EAPP: variants seen among roughly 807,000 people sequenced by gnomAD.
EAPP encodes E2F associated phosphoprotein, also known as E2F-associated phosphoprotein.
EAPP carries 38 observed loss-of-function variants against 34.3 expected under a neutral mutation model. The ratio of observed to expected loss-of-function variants is 1.11; its 90% CI spans 0.85 to 1.45. The LOEUF (loss-of-function observed/expected upper bound fraction) is 1.45. EAPP is among the 40% of genes most tolerant of loss of function. The pLI is 0.00. For missense variants in EAPP, 338 were observed against 343.7 expected (o/e 0.98, Z 0.13); for synonymous variants, 113 against 117.6 (o/e 0.96, Z 0.25).
chr14:34,529,622 G>A (rs1413978702), intron 3 of EAPP, 147 bp from the exon 4 acceptor site: 1 of 626,104 alleles, frequency 1.6e-6, no homozygotes, highest in Admixed American at 3.0e-5. Flanking sequence ...GCTCACACCT[G>A]TAATCCTAGC....
At chr14:34,522,093 G>T (rs1017322619) in intron 5 of EAPP, among the ~76,000 whole-genome samples, 3 of 151,972 alleles carry the variant, frequency 2.0e-5, no homozygotes, top group African/African-American at 7.3e-5. Flanking sequence ...AAAGTAGCTG[G>T]GTCTATAAGC....
At chr14:34,536,434 T>TC (rs1352863976) in intron 1 of EAPP, 159 bp from the exon 2 acceptor site, 2 of 479,832 alleles carry the variant, frequency 4.2e-6, no homozygotes, top group African/African-American at 4.1e-5. Context: ...ATAAGCCAGT[T>TC]CTGCATATTT....
In EAPP at chr14:34,522,034, C is replaced by CT. The variant is rs575451352; in HGVS notation, c.581+2662dup. On this transcript the variant is annotated intron_variant, in intron 5 of 5. Transcript: ENST00000250454. ...AGTACAGTGGCACAATCATGGCTCA[C>CT]TGCAGCCTCGACTTCCAGGGCTCAA... is the stretch of plus-strand genomic sequence containing the variant. 2.0e-4 allele frequency among the ~76,000 whole-genome samples: 31 copies of CT among 152,294 alleles called. No homozygotes were observed. In the East Asian group the frequency reaches 5.8e-3, roughly 28 times the overall value.
intron 5 of EAPP, among the ~76,000 whole-genome samples, chr14:34,521,290 C>T (rs1317226276): frequency 3.3e-5 from 5 of 151,910 alleles, no homozygotes; most frequent in Admixed American, 3.3e-4. Flanking sequence ...AGGCTGGTCT[C>T]GAACTGCTGA....
At chr14:34,528,015 A>C (rs556523668) in intron 4 of EAPP, among the ~76,000 whole-genome samples, 1 of 151,790 alleles carries the variant, frequency 6.6e-6, no homozygotes, top group African/African-American at 2.4e-5. Flanking sequence ...GCTACTCCAT[A>C]AGCAGTGTAC....
At chr14:34,528,045 ATTTT>A (rs33982261) in intron 4 of EAPP, among the ~76,000 whole-genome samples, 1 of 142,412 alleles carries the variant, frequency 7.0e-6, no homozygotes, top group Non-Finnish European at 1.5e-5. Context: ...CCTCATCTCA[ATTTT>A]TTTTTTTTTT....
intron 4 of EAPP, among the ~76,000 whole-genome samples, chr14:34,525,550 A>G (rs564367768): frequency 9.2e-5 from 14 of 152,298 alleles, no homozygotes; most frequent in African/African-American, 3.1e-4. Flanking sequence ...GTGCTCCTCA[A>G]AGTAATTAAG....
At chr14:34,536,404 C>A in intron 1 of EAPP, 129 bp from the exon 2 acceptor site, 3 of 541,624 alleles carry the variant, frequency 5.5e-6, no homozygotes, top group Non-Finnish European at 9.1e-6. Flanking sequence ...TTATACATTA[C>A]ATATAGCTAT....
chr14:34,538,896 C>A (rs1169971925), intron 1 of EAPP, among the ~76,000 whole-genome samples: 1 of 152,180 alleles, frequency 6.6e-6, no homozygotes. Flanking sequence ...GGAAATCCCA[C>A]GAACCTTCTT....
intron 5 of EAPP, among the ~76,000 whole-genome samples, chr14:34,523,316 T>C (rs1428820915): frequency 2.7e-5 from 4 of 150,498 alleles, no homozygotes; most frequent in Non-Finnish European, 4.4e-5. Context: ...CGGCTCACTG[T>C]AAGCTCCGCC....
At chr14:34,536,740 T>G (rs1880491241) in intron 1 of EAPP, among the ~76,000 whole-genome samples, 1 of 151,812 alleles carries the variant, frequency 6.6e-6, no homozygotes, top group Non-Finnish European at 1.5e-5. Flanking sequence ...TGAAACAGAG[T>G]CTCGCTCTTG....
chr14:34,525,121 C>T (rs1376948008), intron 4 of EAPP, among the ~76,000 whole-genome samples: 7 of 151,992 alleles, frequency 4.6e-5, no homozygotes, highest in African/African-American at 9.7e-5. Flanking sequence ...TAAATACCCA[C>T]GAATCCACGC....
chr14:34,536,072 T>C, intron 2 of EAPP, 22 bp downstream of exon 2: 1 of 1,590,700 alleles, frequency 6.3e-7, no homozygotes, highest in South Asian at 1.1e-5. Flanking sequence ...AAAATATATA[T>C]AAAATTGAAC....
chr14:34,520,786 A>G (rs8012555), intron 5 of EAPP, among the ~76,000 whole-genome samples: 123,973 of 151,728 alleles, frequency 0.82, 50,849 homozygotes, highest in Non-Finnish European at 0.85. Flanking sequence ...TACAGGATAA[A>G]CCACCACACC....
In EAPP at chr14:34,536,276, C is replaced by A. The variant is rs781240330; in HGVS notation, c.75-1G>T. On this transcript the variant is annotated splice_acceptor_variant, in intron 1 of 5. Transcript: ENST00000250454. LOFTEE classifies it high-confidence loss of function. Reference sequence around the variant, plus strand: ...AAGCACATCCACTTCATCCTCAGAGCTAGCATACATTTAAATCAAAAAGAA... The same window carrying A: ...AAGCACATCCACTTCATCCTCAGAGATAGCATACATTTAAATCAAAAAGAA... 3 of 1,584,386 alleles carry A rather than the reference C, an allele frequency of 1.9e-6. No individual in the cohort carries two copies. The highest frequency in any genetic ancestry group is 1.4e-5 in the African/African-American group (1 of 73,372).
intron 5 of EAPP, among the ~76,000 whole-genome samples, chr14:34,523,750 C>G (rs1041814752): frequency 6.6e-6 from 1 of 151,940 alleles, no homozygotes; most frequent in Non-Finnish European, 1.5e-5. Context: ...CACTATGTTG[C>G]CTAGGCTGGT....
intron 1 of EAPP, chr14:34,539,299 T>A: frequency 1.5e-6 from 1 of 667,694 alleles, no homozygotes; most frequent in Non-Finnish European, 2.8e-6. Context: ...GGTTTCGATC[T>A]CATTGCTTTT....
At chr14:34,521,243 A>G (rs1879907251) in intron 5 of EAPP, among the ~76,000 whole-genome samples, 1 of 150,830 alleles carries the variant, frequency 6.6e-6, no homozygotes, top group Admixed American at 6.6e-5. Context: ...TAATTTGATT[A>G]CATTTTTAGT....
In EAPP at chr14:34,533,483, T is replaced by C. The variant is rs182501170; in HGVS notation, c.313A>G (p.Ile105Val). Reference sequence around the variant, plus strand: ...TCCTCGGAATCAGAATCAAAATATATATCATCGTAGTACCTTGTCGGAGCT... The same window carrying C: ...TCCTCGGAATCAGAATCAAAATATACATCATCGTAGTACCTTGTCGGAGCT... Reference protein sequence around the residue: ...ATAPTRYYDDIYFDSDSEDED... With the variant: ...ATAPTRYYDDVYFDSDSEDED... Residue 105 changes from isoleucine to valine, a missense_variant, in exon 3 of 6, where the codon ATA becomes GTA. Ile to Val is a conservative substitution (Grantham distance 29, BLOSUM62 3). Coordinates refer to ENST00000250454, the MANE Select transcript of EAPP (RefSeq NM_018453.4). 223 of 1,611,532 alleles carry C rather than the reference T, an allele frequency of 1.4e-4. 2 individuals carry two copies. The East Asian group carries it at 1.9e-3, about 14-fold the overall frequency.
Sources: gnomAD v4.1 joint callset for allele counts (sites outside exome capture counted in the v4.1 genomes callset) on GRCh38, gnomAD v4.1.1 for gene constraint, MANE v1.5 for transcripts, NCBI Gene and HGNC (gene_info 2026-07-23, HGNC 2026-07-21) for gene names.